TSPAN31: variants seen among roughly 807,000 people sequenced by gnomAD.
TSPAN31 encodes tetraspanin 31, also known as tetraspanin-31.
Under a neutral mutation model 24.8 loss-of-function variants are expected in TSPAN31, and 16 were observed. The observed-to-expected ratio is 0.64, with a 90% confidence interval of 0.44 to 0.98. The LOEUF (loss-of-function observed/expected upper bound fraction) is 0.98. Among genes scored for constraint, TSPAN31 ranks in the 50% least tolerant of loss-of-function variants. The pLI, the probability that TSPAN31 is intolerant of heterozygous loss-of-function variation, is 0.00. For missense variants in TSPAN31, 209 were observed against 251.6 expected, an observed-to-expected ratio of 0.83 and a Z score of 1.15; for synonymous variants, 87 against 91.4, an observed-to-expected ratio of 0.95 and a Z score of 0.27.
chr12:57,749,018 C>T lies in TSPAN31; in HGVS notation c.*1728C>T, dbSNP rs934245205. The T allele has an allele frequency of 5.4e-6, 5 of 933,532 alleles. No individual in the cohort carries two copies. Among genetic ancestry groups the T allele is most frequent in the Non-Finnish European group, 8.5e-6 (5 of 591,420 alleles). 57.8% of individuals were successfully genotyped at this position (933,532 alleles called of 1,614,324 possible). On this transcript the variant is annotated 3_prime_UTR_variant, in exon 6 of 6. Transcript: ENST00000257910. ...ACCGTGCCCAGCCAGGATGGGTTCT[C>T]TTCTATATCCTTCTCTGTGGGTGGC... is the stretch of plus-strand genomic sequence containing the variant.
rs1955188582 is a variant in TSPAN31 at position 57,748,632 on chromosome 12, A to T, written c.*1342A>T. 1.3e-6 allele frequency: 2 copies of T among 1,573,740 alleles called. No individual in the cohort carries two copies. The highest frequency in any genetic ancestry group is 2.7e-5 in the African/African-American group (2 of 74,066). ...GTCAGCATTTCCTGAGGGGAGAGGCAAAGGTCAGAAAACCATGAAGAAAAC... is the reference window on the plus strand; with the variant it reads ...GTCAGCATTTCCTGAGGGGAGAGGCTAAGGTCAGAAAACCATGAAGAAAAC... On this transcript the variant is annotated 3_prime_UTR_variant, in exon 6 of 6. Transcript: ENST00000257910.
chr12:57,745,661 GC>G, intron 1 of TSPAN31, 83 bp from the exon 2 acceptor site: 1 of 1,541,392 alleles, frequency 6.5e-7, no homozygotes, highest in Non-Finnish European at 8.9e-7. Context: ...CCTTCCCCCT[GC>G]CCCGCTCCCA....
At chr12:57,746,115 C>A in intron 2 of TSPAN31, 61 bp from the exon 3 acceptor site, 1 of 1,501,482 alleles carries the variant, frequency 6.7e-7, no homozygotes, top group Non-Finnish European at 9.3e-7. Context: ...TGAGACCAGA[C>A]AGTTATTATA....
chr12:57,747,408 A>C lies in TSPAN31; in HGVS notation c.*118A>C, dbSNP rs1371139176. ...AGAAAAAGGAAAGGCCCCTTGTCAC[A>C]TCCTCTAAAATTGATGGAATAGCAA... On this transcript the variant is annotated 3_prime_UTR_variant, in exon 6 of 6. Coordinates refer to ENST00000257910, the MANE Select transcript of TSPAN31 (RefSeq NM_005981.5). 3.7e-6 allele frequency: 3 copies of C among 805,658 alleles called. No individual in the cohort carries two copies. Among genetic ancestry groups the C allele is most frequent in the Non-Finnish European group, 5.9e-6 (3 of 510,436 alleles). The allele number at this position is 805,658 out of a possible 1,614,324, so 49.9% of individuals were successfully genotyped here. A position where few individuals can be genotyped will look rare whatever the true frequency, so the allele number is the denominator to read the frequency against.
At position 57,747,068 on chromosome 12, in the gene TSPAN31, T is replaced by C. The variant is rs201814480; in HGVS notation, c.495T>C (p.Leu165=). ...PTCQMCGEKF[L]KHSDEALKIL... ...GCCAGATGTGTGGAGAAAAGTTTCT[T>C]AAGCATTCAGACGAAGCCCTGAAAA... The change falls in exon 5 of 6, where the codon CTT becomes CTC. Residue 165 remains leucine (L), a synonymous_variant. Coordinates refer to ENST00000257910, the MANE Select transcript of TSPAN31 (RefSeq NM_005981.5). 4 of 1,614,224 alleles carry C rather than the reference T, an allele frequency of 2.5e-6. No individual in the cohort carries two copies. The African/African-American group carries it at 4.0e-5, about 16-fold the overall frequency.
rs746291400 is a variant in TSPAN31, at chr12:57,745,776, C to T, written c.95C>T (p.Ala32Val). 6.2e-7 allele frequency: 1 copy of T among 1,612,636 alleles called. No homozygotes were observed. Among genetic ancestry groups the T allele is most frequent in the East Asian group, 2.2e-5 (1 of 44,874 alleles). ...LVSLLLIGVAAWGKGLGLVSS... is the reference protein window; with the variant it reads ...LVSLLLIGVAVWGKGLGLVSS... ...AGCTTGTTGCTCATTGGAGTGGCTGCTTGGGGCAAGGGCCTGGGTCTGGTG... is the reference window on the plus strand; with the variant it reads ...AGCTTGTTGCTCATTGGAGTGGCTGTTTGGGGCAAGGGCCTGGGTCTGGTG... The change falls in exon 2 of 6, where the codon GCT becomes GTT. Residue 32 changes from alanine to valine, a missense_variant. By Grantham distance (64) the Ala-to-Val change is moderately conservative. Coordinates refer to ENST00000257910, the MANE Select transcript of TSPAN31 (RefSeq NM_005981.5).
rs144984374 is a variant in TSPAN31, at chr12:57,748,868, G to C, written c.*1578G>C. 641 of 547,602 alleles carry C rather than the reference G, an allele frequency of 1.2e-3. 4 individuals carry two copies. The highest frequency in any genetic ancestry group is 0.011 in the African/African-American group (588 of 53,044). 33.9% of individuals were successfully genotyped at this position (547,602 alleles called of 1,614,324 possible). A position where few individuals can be genotyped will look rare whatever the true frequency, so the allele number is the denominator to read the frequency against. On this transcript the variant is annotated 3_prime_UTR_variant, in exon 6 of 6. Coordinates refer to ENST00000257910, the MANE Select transcript of TSPAN31 (RefSeq NM_005981.5). ...TTACAGGCGTGTGCCACCACCCCCG[G>C]CTTATTTTTGTACTTTTAGTAGAGA...
At position 57,746,043 on chromosome 12, in the gene TSPAN31, C is replaced by T. The variant is rs145892463; in HGVS notation, c.231+131C>T. On this transcript the variant is annotated intron_variant, in intron 2 of 5. Transcript: ENST00000257910. ...TTGCCCTGCCCTGTCCCATAATCTA[C>T]GAAACAAGAGCTGATTTTATTGCTT... The T allele has an allele frequency of 6.6e-5, 95 of 1,448,100 alleles. No homozygotes were observed. In the East Asian group the frequency reaches 1.9e-3, roughly 30 times the overall value. 89.7% of individuals were successfully genotyped at this position (1,448,100 alleles called of 1,614,324 possible).
chr12:57,746,706 G>T lies in TSPAN31; in HGVS notation c.430G>T (p.Asp144Tyr). ...CACAACCCTGTATCAACAAGATTAT[G>T]ATTTCTGCACTGCAGTGAGTGTGTT... is the stretch of plus-strand genomic sequence containing the variant. ...NLTTLYQQDY[D>Y]FCTAICKSQS... The change falls in exon 4 of 6, where the codon GAT (aspartate) becomes TAT (tyrosine). Residue 144 changes from aspartate (D) to tyrosine (Y), a missense_variant. Transcript: ENST00000257910. The T allele has an allele frequency of 1.2e-6, 2 of 1,614,110 alleles. No individual in the cohort carries two copies. The highest frequency in any genetic ancestry group is 2.2e-5 in the South Asian group (2 of 91,044).
intron 5 of TSPAN31, 42 bp from the exon 6 acceptor site, chr12:57,747,174 G>A (rs1228786613): frequency 6.2e-7 from 1 of 1,612,950 alleles, no homozygotes; most frequent in African/African-American, 1.3e-5. Flanking sequence ...TTTTGAGACT[G>A]AGAATTAATT....
In TSPAN31 at chr12:57,749,483, A is replaced by G. The variant is rs766518915; in HGVS notation, c.*2193A>G. 1.9e-6 allele frequency: 3 copies of G among 1,614,244 alleles called. No individual in the cohort carries two copies. Among genetic ancestry groups the G allele is most frequent in the South Asian group, 2.2e-5 (2 of 91,090 alleles). On this transcript the variant is annotated 3_prime_UTR_variant, in exon 6 of 6. Coordinates refer to ENST00000257910, the MANE Select transcript of TSPAN31 (RefSeq NM_005981.5). ...AGATTTTGCCCAACTGGTCGGCTTC[A>G]GAGTTTCCACAGAAGAGAGGCCTAA...
chr12:57,748,913 C>T lies in TSPAN31; in HGVS notation c.*1623C>T, dbSNP rs1595108345. On this transcript the variant is annotated 3_prime_UTR_variant, in exon 6 of 6. Coordinates refer to ENST00000257910, the MANE Select transcript of TSPAN31 (RefSeq NM_005981.5). ...TAGAGACGAGGTTTCACCATGTTGG[C>T]CAGGCTGGTCTCGAACTCCTGACCT... is the stretch of plus-strand genomic sequence containing the variant. 5 of 553,960 alleles carry T rather than the reference C, an allele frequency of 9.0e-6. No individual in the cohort carries two copies. The highest frequency in any genetic ancestry group is 3.1e-5 in the Admixed American group (1 of 32,340). 34.3% of individuals were successfully genotyped at this position (553,960 alleles called of 1,614,324 possible). A position where few individuals can be genotyped will look rare whatever the true frequency, so the allele number is the denominator to read the frequency against.
At chr12:57,745,681 T>G in intron 1 of TSPAN31, 64 bp from the exon 2 acceptor site, 2 of 1,580,406 alleles carry the variant, frequency 1.3e-6, no homozygotes, top group Non-Finnish European at 1.7e-6. Flanking sequence ...CAAGTCCTCT[T>G]GTATGGCCTT....
chr12:57,746,194 T>A lies in TSPAN31; in HGVS notation c.250T>A (p.Leu84Met). The change falls in exon 3 of 6, where the codon TTG becomes ATG. Residue 84 changes from leucine to methionine, a missense_variant. By Grantham distance (15) the Leu-to-Met change is conservative (BLOSUM62 2). Transcript: ENST00000257910. ...LLFFYMIILG[L>M]VFIFQFVISC... ...CTCTCAGTACATGATCATCCTTGGT[T>A]TGGTCTTCATCTTCCAATTTGTAAT... 1 of 1,614,184 alleles carries A rather than the reference T, an allele frequency of 6.2e-7. No homozygotes were observed. Among genetic ancestry groups the A allele is most frequent in the South Asian group, 1.1e-5 (1 of 91,088 alleles).
Position 57,747,274 on chromosome 12 carries a change from C to T in TSPAN31, c.617C>T (p.Pro206Leu). The T allele has an allele frequency of 6.2e-7, 1 of 1,614,172 alleles. No homozygotes were observed. Among genetic ancestry groups the T allele is most frequent in the Non-Finnish European group, 8.5e-7 (1 of 1,180,008 alleles). Residue 206 changes from proline (P) to leucine (L), a missense_variant, in exon 6 of 6, where the codon CCC becomes CTC. Transcript: ENST00000257910. ...FRNQKDPRAN[P>L]SAFL ...AATCAGAAGGATCCTAGAGCCAACC[C>T]CAGTGCCTTTCTATGAGACTTTGGA...
intron 2 of TSPAN31, 119 bp downstream of exon 2, chr12:57,746,031 TC>T: frequency 1.4e-6 from 2 of 1,459,678 alleles, no homozygotes; most frequent in Non-Finnish European, 1.9e-6. Flanking sequence ...CCCTGCCCTG[TC>T]CCATAATCTA....
rs921450127 is a variant in TSPAN31 at position 57,749,261 on chromosome 12, C to T, written c.*1971C>T. ...GCGGGGCCCTCTGGGGGGAAAGGCT[C>T]CACGGGGCAGGGATACATCTCGAGG... is the stretch of plus-strand genomic sequence containing the variant. On this transcript the variant is annotated 3_prime_UTR_variant, in exon 6 of 6. Transcript: ENST00000257910. 2 of 1,614,154 alleles carry T rather than the reference C, an allele frequency of 1.2e-6. No individual in the cohort carries two copies. Among genetic ancestry groups the T allele is most frequent in the Non-Finnish European group, 1.7e-6 (2 of 1,179,986 alleles).
At chr12:57,745,449 A>G in intron 1 of TSPAN31, 1 of 609,868 alleles carries the variant, frequency 1.6e-6, no homozygotes, top group Non-Finnish European at 2.9e-6. Flanking sequence ...CGTAAGTTCC[A>G]TACCTCCTTC....
At chr12:57,745,341 G>C in intron 1 of TSPAN31, 124 bp downstream of exon 1, 1 of 1,111,700 alleles carries the variant, frequency 9.0e-7, no homozygotes, top group South Asian at 1.4e-5. Flanking sequence ...AACTTCCGGC[G>C]ACGAGGGAAT....
Sources: gnomAD v4.1 joint callset for allele counts on GRCh38, gnomAD v4.1.1 for gene constraint, MANE v1.5 for transcripts, NCBI Gene and HGNC (gene_info 2026-07-23, HGNC 2026-07-21) for gene names.